Variants in PARP9 observed in about 807,000 individuals in gnomAD.
PARP9 encodes the protein protein mono-ADP-ribosyltransferase PARP9.
A neutral mutation model predicts 68.8 loss-of-function variants in PARP9; 48 were observed. The observed-to-expected ratio is 0.70, with a 90% CI of 0.55 to 0.89. The LOEUF (loss-of-function observed/expected upper bound fraction) is 0.89, where lower values mean the gene tolerates loss of function less well. PARP9 is among the 40% of genes least tolerant of loss of function. The pLI, the probability that PARP9 is intolerant of heterozygous loss-of-function variation, is 0.00. For missense variants in PARP9, 806 were observed against 969.3 expected, an observed-to-expected ratio of 0.83 and a Z score of 2.24; for synonymous variants, 309 against 333.8, an observed-to-expected ratio of 0.93 and a Z score of 0.81.
chr3:122,535,288 T>G (rs2107571142), intron 10 of PARP9: 1 of 985,438 alleles, frequency 1.0e-6, no homozygotes, highest in African/African-American at 1.7e-5. Flanking sequence ...AGTAATTGTC[T>G]ATGTTCAACA....
In PARP9 at chr3:122,542,582, C is replaced by T. The variant is rs548642425; in HGVS notation, c.1385-1730G>A. 7.2e-5 allele frequency among the ~76,000 whole-genome samples: 11 copies of T among 151,972 alleles called. No homozygotes were observed. In the East Asian group the frequency reaches 1.9e-3, roughly 27 times the overall value. The stretch of plus-strand genomic sequence containing the variant: ...GCAGCCTCCGCCTCCTGGGTTCAGA[C>T]GATTCTCCTGCTGCAGCCTCCCGAG... On this transcript the variant is annotated intron_variant, in intron 7 of 10. Transcript: ENST00000682323.
chr3:122,558,781 G>T (rs538179137), intron 2 of PARP9, among the ~76,000 whole-genome samples: 1 of 152,308 alleles, frequency 6.6e-6, no homozygotes, highest in East Asian at 1.9e-4. Flanking sequence ...TGCAATCACA[G>T]TTCACTGCAG....
At chr3:122,559,942 C>T (rs918764792) in intron 1 of PARP9, among the ~76,000 whole-genome samples, 20 of 152,182 alleles carry the variant, frequency 1.3e-4, no homozygotes, top group African/African-American at 4.1e-4. Flanking sequence ...AAATGCTCTA[C>T]GACCTGGAAC....
chr3:122,558,398 CTT>C (rs752022616), intron 3 of PARP9, 34 bp downstream of exon 3: 1 of 1,614,146 alleles, frequency 6.2e-7, no homozygotes, highest in Non-Finnish European at 8.5e-7. Flanking sequence ...TGAGCAAAGA[CTT>C]TCTGAAACAA....
In PARP9 at chr3:122,552,523, A is replaced by T. The variant is rs1244124030; in HGVS notation, c.1002T>A (p.Ala334=). 1 of 1,614,154 alleles carries T rather than the reference A, an allele frequency of 6.2e-7. No homozygotes were observed. The highest frequency in any genetic ancestry group is 2.2e-5 in the East Asian group (1 of 44,876). ...EMKSEFLATK[A]KQFQRSQLVL... ...CCAACTGGGACCGTTGAAACTGTTT[A>T]GCCTTTGTGGCAAGAAATTCCGATT... Residue 334 remains alanine, a synonymous_variant, in exon 5 of 11, where the codon GCT becomes GCA. Coordinates refer to ENST00000682323, the MANE Select transcript of PARP9 (RefSeq NM_001146105.2).
chr3:122,547,688 AC>A (rs1199684416), intron 6 of PARP9, among the ~76,000 whole-genome samples: 1 of 151,916 alleles, frequency 6.6e-6, no homozygotes, highest in African/African-American at 2.4e-5. Flanking sequence ...CCCCACTTCC[AC>A]AAAAAATAAA....
chr3:122,547,591 G>A (rs993244906), intron 6 of PARP9, among the ~76,000 whole-genome samples: 2 of 152,022 alleles, frequency 1.3e-5, no homozygotes, highest in South Asian at 2.1e-4. Context: ...GGTGGCTCAC[G>A]TCTGTAATCC....
intron 7 of PARP9, among the ~76,000 whole-genome samples, chr3:122,543,009 C>T (rs1339291262): frequency 1.3e-5 from 2 of 152,044 alleles, no homozygotes; most frequent in South Asian, 2.1e-4. Flanking sequence ...TGGGTTCAAG[C>T]GATTCTCCTG....
intron 8 of PARP9, among the ~76,000 whole-genome samples, chr3:122,539,567 C>CTTTCTTTCTTTCTT (rs1347024453): frequency 1.2e-5 from 1 of 86,916 alleles, no homozygotes. Flanking sequence ...TTCTTTCTTT[C>CTTTCTTTCTTTCTT]TTTTTTTTTT....
rs771320135 is a variant in PARP9, at chr3:122,536,327, T to G, written c.1921A>C (p.Asn641His). 8.1e-6 allele frequency: 13 copies of G among 1,614,208 alleles called. No individual in the cohort carries two copies. The South Asian group carries it at 1.1e-4, about 14-fold the overall frequency. ...TGAAAGGCAGCCATAAGGACCTCAT[T>G]GTCTATCTTCTCCACCTAGAACCAT... Reference protein sequence around the residue: ...LQVLKVEKIDNEVLMAAFQRK... With the variant: ...LQVLKVEKIDHEVLMAAFQRK... Residue 641 changes from asparagine to histidine, a missense_variant, in exon 10 of 11, where the codon AAT becomes CAT. This residue lies in a region of PARP9 where 680 missense variants were observed against 858.8 expected (regional missense o/e 0.79). Coordinates refer to ENST00000682323, the MANE Select transcript of PARP9 (RefSeq NM_001146105.2).
At chr3:122,535,885 G>T in intron 10 of PARP9, 1 of 1,306,558 alleles carries the variant, frequency 7.7e-7, no homozygotes, top group Non-Finnish European at 9.7e-7. Flanking sequence ...TCTGCGGATA[G>T]GACACAGAAA....
intron 10 of PARP9, among the ~76,000 whole-genome samples, chr3:122,531,383 T>C (rs541739068): frequency 1.3e-5 from 2 of 152,340 alleles, no homozygotes; most frequent in South Asian, 2.1e-4. Context: ...CTTCCACCTA[T>C]TGAGTCCTTG....
chr3:122,528,811 CTAA>C, intron 10 of PARP9, 68 bp from the exon 11 acceptor site: 1 of 1,354,250 alleles, frequency 7.4e-7, no homozygotes, highest in South Asian at 1.5e-5. Context: ...GATTTGGGTA[CTAA>C]TATCTATTCT....
In PARP9 at chr3:122,550,656, A is replaced by T; in HGVS notation, c.1254T>A (p.Phe418Leu). 1.2e-6 allele frequency: 2 copies of T among 1,614,108 alleles called. No homozygotes were observed. The highest frequency in any genetic ancestry group is 1.7e-6 in the Non-Finnish European group (2 of 1,180,026). ...ACTGGTGTTTTACATGGTCTTTGGC[A>T]AATGTTAAAACTTCATCAAACAAAA... ...AEILFDEVLT[F>L]AKDHVKHQLT... The change falls in exon 6 of 11, where the codon TTT (phenylalanine) becomes TTA (leucine). Residue 418 changes from phenylalanine (F) to leucine (L), a missense_variant. This residue lies in a region of PARP9 where 680 missense variants were observed against 858.8 expected (regional missense o/e 0.79). Coordinates refer to ENST00000682323, the MANE Select transcript of PARP9 (RefSeq NM_001146105.2).
chr3:122,543,209 C>CCCT, intron 7 of PARP9, among the ~76,000 whole-genome samples: 1 of 151,786 alleles, frequency 6.6e-6, no homozygotes, highest in South Asian at 2.1e-4. Context: ...CCGTGCCCGG[C>CCCT]TGAATTAAAT....
chr3:122,542,255 TAC>T (rs2078293940), intron 7 of PARP9, among the ~76,000 whole-genome samples: 1 of 131,884 alleles, frequency 7.6e-6, no homozygotes. Context: ...CTTCTACTAC[TAC>T]TTTTTTTTTT....
intron 10 of PARP9, chr3:122,532,284 T>C: frequency 1.0e-6 from 1 of 985,328 alleles, no homozygotes; most frequent in Non-Finnish European, 1.2e-6. Flanking sequence ...TAGAGTGGCC[T>C]GTGCAGACAC....
chr3:122,553,507 C>A (rs10804557), intron 4 of PARP9, among the ~76,000 whole-genome samples: 1 of 151,978 alleles, frequency 6.6e-6, no homozygotes, highest in Admixed American at 6.6e-5. Flanking sequence ...ATGTTCCTAA[C>A]GTTGCTGGCA....
At position 122,550,813 on chromosome 3, in the gene PARP9, A is replaced by G; in HGVS notation, c.1108-11T>C. ...TGCATGTTTTAATATCTGCAGGAAA[A>G]CACAAATTTAAGATCAGCATTTGAG... On this transcript the variant is annotated splice_polypyrimidine_tract_variant and intron_variant, in intron 5 of 10. Transcript: ENST00000682323. 6.2e-7 allele frequency: 1 copy of G among 1,605,284 alleles called. No homozygotes were observed. The highest frequency in any genetic ancestry group is 8.5e-7 in the Non-Finnish European group (1 of 1,173,004).
Sources: gnomAD v4.1 joint callset for allele counts (sites outside exome capture counted in the v4.1 genomes callset) on GRCh38, gnomAD v4.1.1 for gene constraint, gnomAD v4.1.1 regional missense constraint, MANE v1.5 for transcripts, NCBI Gene and HGNC (gene_info 2026-07-23, HGNC 2026-07-21) for gene names.